DNAH1: variants seen among roughly 807,000 people sequenced by gnomAD.
DNAH1 encodes axonemal beta dynein heavy chain 1.
DNAH1 carries 327 observed loss-of-function variants against 484.3 expected under a neutral mutation model. That is an observed-to-expected ratio of 0.68 (90% CI 0.62 to 0.74). The LOEUF is 0.74. DNAH1 is among the 30% of genes least tolerant of loss of function. The pLI is 0.00. For synonymous variants in DNAH1, 2,192 were observed against 2,191.9 expected, an observed-to-expected ratio of 1.00 and a Z score of 0.00; for missense variants, 5,052 against 5,546.8, an observed-to-expected ratio of 0.91 and a Z score of 2.83.
chr3:52,370,590 C>T lies in DNAH1; in HGVS notation c.6372C>T (p.Arg2124=). The change falls in exon 40 of 78, where the codon CGC becomes CGT. Residue 2124 remains arginine, a synonymous_variant. Transcript: ENST00000420323. ...SVGATGDSSG[R]TSFSHWLRLK... Reference sequence around the variant, plus strand: ...GTGCCACTGGGGACAGCAGTGGCCGCACCAGTTTCAGCCACTGGCTAAGGC... The same window carrying T: ...GTGCCACTGGGGACAGCAGTGGCCGTACCAGTTTCAGCCACTGGCTAAGGC... 6.2e-7 allele frequency: 1 copy of T among 1,613,258 alleles called. No individual in the cohort carries two copies. The highest frequency in any genetic ancestry group is 1.3e-5 in the African/African-American group (1 of 75,050).
chr3:52,388,516 A>G lies in DNAH1; in HGVS notation c.9270A>G (p.Thr3090=), dbSNP rs752225473. Residue 3090 remains threonine (T), a synonymous_variant, in exon 58 of 78, where the codon ACA becomes ACG. Transcript: ENST00000420323. ...GTGAGGTGGAGGACGGCATCGCCAC[A>G]ATGCAGGCTAAGTACCGGGAATGCA... is the stretch of plus-strand genomic sequence containing the variant. The part of the protein sequence containing the change: ...RLREVEDGIA[T]MQAKYRECIT... 6.2e-6 allele frequency: 10 copies of G among 1,612,952 alleles called. No individual in the cohort carries two copies. Among genetic ancestry groups the G allele is most frequent in the South Asian group, 5.5e-5 (5 of 90,848 alleles).
rs374840147 is a variant in DNAH1 at position 52,396,935 on chromosome 3, G to C, written c.11678G>C (p.Cys3893Ser). Residue 3893 changes from cysteine (C) to serine (S), a missense_variant, in exon 73 of 78, where the codon TGC becomes TCC. Cys to Ser is a moderately radical substitution (Grantham distance 112). Around this residue, in one of 4 missense-constraint regions of DNAH1, gnomAD observed 853 missense variants for 899.0 expected, o/e 0.95. Transcript: ENST00000420323. The part of the protein sequence containing the change: ...GRVTDDWDRR[C>S]IMNILEDFYN... ...GTCACTGATGACTGGGACCGGCGCTGCATCATGAACATCTTGGAGGACTTC... is the reference window on the plus strand; with the variant it reads ...GTCACTGATGACTGGGACCGGCGCTCCATCATGAACATCTTGGAGGACTTC... 8.7e-6 allele frequency: 14 copies of C among 1,613,356 alleles called. No homozygotes were observed. In the East Asian group the frequency reaches 1.1e-4, roughly 13 times the overall value.
chr3:52,378,468 G>A, intron 46 of DNAH1, 134 bp from the exon 47 acceptor site: 1 of 954,552 alleles, frequency 1.0e-6, no homozygotes, highest in Non-Finnish European at 1.6e-6. Context: ...AAGGGTACGT[G>A]GAATCCAAGC....
intron 46 of DNAH1, among the ~76,000 whole-genome samples, chr3:52,376,598 C>T (rs947675869): frequency 6.6e-6 from 1 of 152,160 alleles, no homozygotes; most frequent in Non-Finnish European, 1.5e-5. Context: ...TGTGGCACCC[C>T]TCTTCCCCGC....
At chr3:52,365,587 C>T (rs1559534821) in intron 34 of DNAH1, among the ~76,000 whole-genome samples, 1 of 152,176 alleles carries the variant, frequency 6.6e-6, no homozygotes, top group Non-Finnish European at 1.5e-5. Flanking sequence ...CATCCCGAAC[C>T]CTCGCCCCTC....
intron 52 of DNAH1, 80 bp from the exon 53 acceptor site, chr3:52,384,706 G>T (rs1704018092): frequency 1.5e-5 from 22 of 1,424,810 alleles, no homozygotes; most frequent in South Asian, 4.4e-5. Context: ...CTCGGCCCAG[G>T]TTGCAGTGGC....
At chr3:52,334,944 C>T (rs1447058938) in intron 8 of DNAH1, among the ~76,000 whole-genome samples, 7 of 151,770 alleles carry the variant, frequency 4.6e-5, no homozygotes, top group Non-Finnish European at 8.8e-5. Flanking sequence ...CGCCCCCCGG[C>T]GCCCGCCACC....
chr3:52,376,532 G>A (rs1029315873), intron 46 of DNAH1, among the ~76,000 whole-genome samples: 1 of 152,138 alleles, frequency 6.6e-6, no homozygotes, highest in Non-Finnish European at 1.5e-5. Context: ...CCTGTGGCTG[G>A]GAACGGACTG....
In DNAH1 at chr3:52,364,405, G is replaced by A. The variant is rs1461610690; in HGVS notation, c.5245-233G>A. Among the ~76,000 whole-genome samples, 2 of 152,226 alleles carry A rather than the reference G, an allele frequency of 1.3e-5. No homozygotes were observed. The highest frequency in any genetic ancestry group is 2.9e-5 in the Non-Finnish European group (2 of 68,042). On this transcript the variant is annotated intron_variant, in intron 32 of 77. Coordinates refer to ENST00000420323, the MANE Select transcript of DNAH1 (RefSeq NM_015512.5). The surrounding 1 kb of genome is among the most constrained non-coding windows in gnomAD (Gnocchi z 4.2). ...ACAGTGACCAAAGGATGCAGAATGG[G>A]TATCGGATAAAGGAGGGGGCTATCG...
At position 52,395,956 on chromosome 3, in the gene DNAH1, T is replaced by TC. The variant is rs1553642893; in HGVS notation, c.11259+279dup. Among the ~76,000 whole-genome samples, 1,742 of 149,476 alleles carry TC rather than the reference T, an allele frequency of 0.012. 41 individuals are homozygous for TC. Among genetic ancestry groups the TC allele is most frequent in the African/African-American group, 0.04 (1,615 of 40,360 alleles). On this transcript the variant is annotated intron_variant, in intron 70 of 77. Coordinates refer to ENST00000420323, the MANE Select transcript of DNAH1 (RefSeq NM_015512.5). The surrounding 1 kb of genome is among the most constrained non-coding windows in gnomAD (Gnocchi z 4.4). ...CAAAGCCCTTTTTTTTTTTTTTTTT[T>TC]CAGACGGAGTCTCACTCTGTCACCG...
In DNAH1 at chr3:52,358,138, G is replaced by C; in HGVS notation, c.4086+135G>C. The stretch of plus-strand genomic sequence containing the variant: ...TTCCTGGTCTTTGGAGACACACCTG[G>C]GGCCTGTGGGAGGAAGGTCAACTGC... On this transcript the variant is annotated intron_variant, in intron 24 of 77. Coordinates refer to ENST00000420323, the MANE Select transcript of DNAH1 (RefSeq NM_015512.5). The surrounding 1 kb of genome is among the most constrained non-coding windows in gnomAD (Gnocchi z 4.2). 1.4e-6 allele frequency: 1 copy of C among 739,978 alleles called. No homozygotes were observed. Among genetic ancestry groups the C allele is most frequent in the Middle Eastern group, 3.8e-4 (1 of 2,616 alleles). The allele number at this position is 739,978 out of a possible 1,614,324, so 45.8% of individuals were successfully genotyped here. A position where few individuals can be genotyped will look rare whatever the true frequency, so the allele number is the denominator to read the frequency against.
chr3:52,349,870 T>C, intron 14 of DNAH1, 119 bp from the exon 15 acceptor site: 1 of 1,346,646 alleles, frequency 7.4e-7, no homozygotes. Flanking sequence ...CGCCGCAGGA[T>C]GTTGTGGTGG....
At position 52,322,504 on chromosome 3, in the gene DNAH1, G is replaced by T; in HGVS notation, c.62G>T (p.Ser21Ile). 1.2e-6 allele frequency: 2 copies of T among 1,613,756 alleles called. No individual in the cohort carries two copies. Among genetic ancestry groups the T allele is most frequent in the Non-Finnish European group, 8.5e-7 (1 of 1,179,774 alleles). ...AGGACCCCTCAGGGCCCAGAGTGCAGCAGTGCTCCTGCAGTCCAAGTGGGG... is the reference window on the plus strand; with the variant it reads ...AGGACCCCTCAGGGCCCAGAGTGCATCAGTGCTCCTGCAGTCCAAGTGGGG... ...LGRTPQGPEC[S>I]SAPAVQVGTH... is the part of the protein sequence containing the mutation. The change falls in exon 2 of 78, where the codon AGC becomes ATC. Residue 21 changes from serine (S) to isoleucine (I), a missense_variant. Physicochemically the swap from Ser to Ile is moderately radical, Grantham distance 142. Transcript: ENST00000420323.
chr3:52,366,682 A>G, intron 35 of DNAH1, 51 bp from the exon 36 acceptor site: 1 of 1,519,302 alleles, frequency 6.6e-7, no homozygotes, highest in Non-Finnish European at 8.9e-7. Context: ...CCCCCAGCCC[A>G]CTCTAGCCCT....
chr3:52,394,805 T>C, intron 67 of DNAH1, 110 bp from the exon 68 acceptor site: 1 of 1,505,346 alleles, frequency 6.6e-7, no homozygotes, highest in Non-Finnish European at 9.0e-7. Flanking sequence ...TCCAGTGCCA[T>C]ACCCCTGGGA....
In DNAH1 at chr3:52,360,077, G is replaced by A; in HGVS notation, c.4569G>A (p.Leu1523=). The A allele has an allele frequency of 6.2e-7, 1 of 1,613,844 alleles. No homozygotes were observed. Among genetic ancestry groups the A allele is most frequent in the South Asian group, 1.1e-5 (1 of 91,082 alleles). ...SVNDFQWISQ[L]RYYWTNNDLY... is the part of the protein sequence containing the mutation. Reference sequence around the variant, plus strand: ...ATGACTTCCAGTGGATCTCACAGCTGAGGTGAGGACATGGGGGGCGCCCCC... The same window carrying A: ...ATGACTTCCAGTGGATCTCACAGCTAAGGTGAGGACATGGGGGGCGCCCCC... The change falls in exon 27 of 78, where the codon CTG becomes CTA. Residue 1523 remains leucine, a splice_region_variant and synonymous_variant. Transcript: ENST00000420323.
chr3:52,384,870 A>AC lies in DNAH1; in HGVS notation c.8412dup (p.Lys2805GlnfsTer40), dbSNP rs1390552303. The AC allele has an allele frequency of 6.2e-7, 1 of 1,612,962 alleles. No homozygotes were observed. The highest frequency in any genetic ancestry group is 8.5e-7 in the Non-Finnish European group (1 of 1,179,460). On this transcript the variant is annotated frameshift_variant, in exon 53 of 78. Transcript: ENST00000420323. LOFTEE classifies it high-confidence loss of function. ...AGAGCTGACCCGCCACAACTATGTGACCCCCAAGAGCTACTTGGAGCTGCT... is the reference window on the plus strand; with the variant it reads ...AGAGCTGACCCGCCACAACTATGTGACCCCCCAAGAGCTACTTGGAGCTGCT...
chr3:52,326,464 T>A, intron 4 of DNAH1, 150 bp downstream of exon 4: 1 of 1,104,362 alleles, frequency 9.1e-7, no homozygotes, highest in Non-Finnish European at 1.3e-6. Flanking sequence ...TTTGGTGTCT[T>A]AATAGGAACA....
chr3:52,369,052 C>T, intron 37 of DNAH1, 134 bp downstream of exon 37: 1 of 1,018,872 alleles, frequency 9.8e-7, no homozygotes, highest in Non-Finnish European at 1.4e-6. Context: ...GTCACCCTGA[C>T]TCAGCAAGAG....
Sources: gnomAD v4.1 joint callset for allele counts (sites outside exome capture counted in the v4.1 genomes callset) on GRCh38, gnomAD v4.1.1 for gene constraint, gnomAD v4.1.1 regional missense constraint, Gnocchi (gnomAD v3.1) non-coding constraint, MANE v1.5 for transcripts, NCBI Gene and HGNC (gene_info 2026-07-23, HGNC 2026-07-21) for gene names.